STK3: variants seen among roughly 807,000 people sequenced by gnomAD.
The protein encoded by STK3 is serine/threonine-protein kinase 3.
In STK3, 41 loss-of-function variants were observed where a neutral mutation model predicts 58.0. That is an observed-to-expected ratio of 0.71 (90% CI 0.55 to 0.92). STK3 has a LOEUF of 0.92. Among genes scored for constraint, STK3 ranks in the 40% least tolerant of loss-of-function variants. The pLI is 0.00. For missense variants in STK3, 479 were observed against 602.7 expected (o/e 0.79, Z 2.15); for synonymous variants, 170 against 191.0 (o/e 0.89, Z 0.91).
intron 4 of STK3, among the ~76,000 whole-genome samples, chr8:98,731,949 CAA>C (rs1828239739): frequency 6.6e-6 from 1 of 151,962 alleles, no homozygotes; most frequent in Admixed American, 6.5e-5. Context: ...AGGAAACAGA[CAA>C]TAGCATTTAT....
intron 8 of STK3, among the ~76,000 whole-genome samples, chr8:98,569,497 T>G (rs1045877652): frequency 3.3e-5 from 5 of 150,216 alleles, no homozygotes; most frequent in African/African-American, 4.9e-5. Flanking sequence ...AAAAAAAAAG[T>G]ACGGCATTAA....
At chr8:98,650,703 G>C (rs1038476279) in intron 6 of STK3, among the ~76,000 whole-genome samples, 1 of 152,196 alleles carries the variant, frequency 6.6e-6, no homozygotes, top group Non-Finnish European at 1.5e-5. Context: ...CCCATGGCTC[G>C]GAGGGTCCTA....
chr8:98,934,736 T>A (rs972864664), intron 1 of STK3, among the ~76,000 whole-genome samples: 1 of 151,980 alleles, frequency 6.6e-6, no homozygotes, highest in Non-Finnish European at 1.5e-5. Context: ...GCCAACATGG[T>A]GAAACCCCGT....
intron 9 of STK3, among the ~76,000 whole-genome samples, chr8:98,546,451 G>A (rs189596645): frequency 3.4e-4 from 51 of 152,140 alleles, no homozygotes; most frequent in Non-Finnish European, 6.0e-4. Flanking sequence ...AGTTTCATAA[G>A]GAGCTCAGTA....
intron 4 of STK3, among the ~76,000 whole-genome samples, chr8:98,725,109 C>G (rs1827706599): frequency 6.6e-6 from 1 of 152,120 alleles, no homozygotes; most frequent in African/African-American, 2.4e-5. Flanking sequence ...TTAGAAGTCA[C>G]TTTCATCCAG....
intron 1 of STK3, among the ~76,000 whole-genome samples, chr8:98,910,341 C>T (rs184500973): frequency 5.1e-4 from 77 of 152,222 alleles, no homozygotes; most frequent in Admixed American, 5.0e-3. Context: ...GTAATAACCT[C>T]AGGATTAATT....
chr8:98,933,149 T>G (rs1216618744), intron 1 of STK3, among the ~76,000 whole-genome samples: 2 of 152,230 alleles, frequency 1.3e-5, no homozygotes, highest in African/African-American at 4.8e-5. Context: ...GGTATTGTAT[T>G]CTAAAGAGTC....
At chr8:98,851,249 A>G (rs1263250164) in intron 3 of STK3, among the ~76,000 whole-genome samples, 2 of 152,176 alleles carry the variant, frequency 1.3e-5, no homozygotes, top group Non-Finnish European at 2.9e-5. Flanking sequence ...GAGCCCAAAC[A>G]GAGTAGGAGC....
intron 6 of STK3, among the ~76,000 whole-genome samples, chr8:98,687,959 G>A (rs925545324): frequency 3.9e-5 from 6 of 152,026 alleles, no homozygotes; most frequent in Non-Finnish European, 7.4e-5. Context: ...GGGCCTAAAT[G>A]GCCCACTTAA....
chr8:98,606,160 T>G, intron 6 of STK3: 1 of 152,188 alleles, frequency 6.6e-6, no homozygotes, highest in East Asian at 1.9e-4. Context: ...GAAGCTGTTA[T>G]CTCCATAAAT....
Position 98,472,641 on chromosome 8 carries a change from A to T in STK3, c.1318-16641T>A, listed in dbSNP as rs114731230. On this transcript the variant is annotated intron_variant, in intron 10 of 10. Transcript: ENST00000419617. ...CAATGATAAGTCATTTCCTTAAATAACACAATTCTCTCAAAATCTAAGATG... is the reference window on the plus strand; with the variant it reads ...CAATGATAAGTCATTTCCTTAAATATCACAATTCTCTCAAAATCTAAGATG... Among the ~76,000 whole-genome samples the T allele has an allele frequency of 8.1e-3, 1,235 of 152,296 alleles. 14 individuals carry two copies. Among genetic ancestry groups the T allele is most frequent in the African/African-American group, 0.028 (1,164 of 41,578 alleles).
At chr8:98,458,768 T>A (rs1819704163) in intron 10 of STK3, among the ~76,000 whole-genome samples, 1 of 152,146 alleles carries the variant, frequency 6.6e-6, no homozygotes, top group South Asian at 2.1e-4. Flanking sequence ...CTCACTCTGC[T>A]CTCCCCTCTC....
At chr8:98,835,703 G>T (rs1280891893) in intron 3 of STK3, among the ~76,000 whole-genome samples, 1 of 152,168 alleles carries the variant, frequency 6.6e-6, no homozygotes, top group Non-Finnish European at 1.5e-5. Flanking sequence ...TTTCCAGCAA[G>T]TTCTGTCAGC....
intron 6 of STK3, among the ~76,000 whole-genome samples, chr8:98,697,293 C>G (rs1420082924): frequency 6.6e-6 from 1 of 152,042 alleles, no homozygotes; most frequent in Non-Finnish European, 1.5e-5. Flanking sequence ...TTTTGTTGAT[C>G]CTTTCAGAAA....
intron 7 of STK3, among the ~76,000 whole-genome samples, chr8:98,584,966 T>A (rs1233679995): frequency 2.3e-4 from 34 of 150,216 alleles, no homozygotes; most frequent in Non-Finnish European, 3.7e-4. Context: ...TGTAAATTTG[T>A]TTGAGTTCAT....
chr8:98,703,125 AG>A (rs775392976), intron 6 of STK3, among the ~76,000 whole-genome samples: 10 of 152,314 alleles, frequency 6.6e-5, no homozygotes, highest in Non-Finnish European at 1.0e-4. Flanking sequence ...GAAAACTTAG[AG>A]GGTTCAGATT....
intron 1 of STK3, among the ~76,000 whole-genome samples, chr8:98,445,977 A>G (rs1372278779): frequency 6.6e-6 from 1 of 152,212 alleles, no homozygotes; most frequent in Non-Finnish European, 1.5e-5. Context: ...AAAACAGACC[A>G]CATGATTCCA....
At chr8:98,807,015 G>A (rs773179298) in intron 1 of STK3, among the ~76,000 whole-genome samples, 10 of 151,984 alleles carry the variant, frequency 6.6e-5, no homozygotes, top group South Asian at 2.1e-4. Context: ...TTAGCCAGGC[G>A]TGGTGGCGGG....
chr8:98,878,401 C>T (rs1837643069), intron 3 of STK3, among the ~76,000 whole-genome samples: 1 of 152,198 alleles, frequency 6.6e-6, no homozygotes, highest in Non-Finnish European at 1.5e-5. Flanking sequence ...TTAACTTCCT[C>T]ATAAAGCAAC....
Sources: gnomAD v4.1 joint callset for allele counts (sites outside exome capture counted in the v4.1 genomes callset) on GRCh38, gnomAD v4.1.1 for gene constraint, MANE v1.5 for transcripts, NCBI Gene and HGNC (gene_info 2026-07-23, HGNC 2026-07-21) for gene names.